The following MAPK9 variants were observed in gnomAD, a reference collection of about 807,000 sequenced individuals.
MAPK9 encodes the protein mitogen-activated protein kinase 9.
In MAPK9, 30 loss-of-function variants were observed where a neutral mutation model predicts 57.1. The observed-to-expected ratio is 0.53, with a 90% confidence interval of 0.39 to 0.71. The LOEUF is 0.71. MAPK9 is among the 30% of genes least tolerant of loss of function. The pLI is 0.00. For missense variants in MAPK9, 362 were observed against 521.0 expected (o/e 0.69, Z 2.97); for synonymous variants, 155 against 177.0 (o/e 0.88, Z 0.99).
intron 7 of MAPK9, among the ~76,000 whole-genome samples, chr5:180,244,105 T>C (rs1757880417): frequency 1.3e-5 from 2 of 152,146 alleles, no homozygotes; most frequent in African/African-American, 4.8e-5. Flanking sequence ...TGCCTCGGCC[T>C]CCCAAAGTGC....
chr5:180,268,623 C>G (rs1300240675), intron 3 of MAPK9, among the ~76,000 whole-genome samples: 1 of 151,898 alleles, frequency 6.6e-6, no homozygotes, highest in Admixed American at 6.6e-5. Context: ...GTCAGGAGAT[C>G]GAGACCATCC....
chr5:180,249,260 G>A, intron 5 of MAPK9, 122 bp from the exon 6 acceptor site: 1 of 926,360 alleles, frequency 1.1e-6, no homozygotes, highest in Non-Finnish European at 1.5e-6. Flanking sequence ...TCTGAGATTT[G>A]GGAACAACTT....
intron 5 of MAPK9, 128 bp downstream of exon 5, chr5:180,261,556 C>T (rs3095943): frequency 0.079 from 74,740 of 945,216 alleles, 3,338 homozygotes; most frequent in Admixed American, 0.11. Context: ...TCTTAAAACA[C>T]CATATGATTC....
At chr5:180,286,747 G>A (rs961765434) in intron 1 of MAPK9, among the ~76,000 whole-genome samples, 1 of 152,198 alleles carries the variant, frequency 6.6e-6, no homozygotes, top group Non-Finnish European at 1.5e-5. Flanking sequence ...GACAGCAGAA[G>A]CATTCTCCCA....
At position 180,283,773 on chromosome 5, in the gene MAPK9, T is replaced by C. The variant is rs1371916288; in HGVS notation, c.-47-3165A>G. On this transcript the variant is annotated intron_variant, in intron 1 of 11. Coordinates refer to ENST00000452135, the MANE Select transcript of MAPK9 (RefSeq NM_002752.5). ...CAACATGGTGAAGCCCCATCTCTAC[T>C]AAAAATACAAAAATTAGCCGGGTGT... Among the ~76,000 whole-genome samples the C allele has an allele frequency of 3.3e-5, 5 of 152,130 alleles. No homozygotes were observed. In the East Asian group the frequency reaches 5.8e-4, roughly 18 times the overall value.
intron 5 of MAPK9, chr5:180,258,096 T>C (rs1759486203): frequency 6.6e-6 from 1 of 152,270 alleles, no homozygotes; most frequent in South Asian, 2.1e-4. Context: ...AGTTTCTCTA[T>C]TTACTTCAAA....
chr5:180,284,011 A>C (rs2127627688), intron 1 of MAPK9, among the ~76,000 whole-genome samples: 1 of 152,342 alleles, frequency 6.6e-6, no homozygotes, highest in South Asian at 2.1e-4. Context: ...AAGTCACCTA[A>C]GTGAAAACCT....
At chr5:180,238,147 G>C (rs907909154) in intron 11 of MAPK9, 185 bp downstream of exon 11, 2 of 452,758 alleles carry the variant, frequency 4.4e-6, no homozygotes, top group Admixed American at 7.4e-5. Flanking sequence ...GCGCGTGCCT[G>C]TAGTCCCAGC....
intron 1 of MAPK9, among the ~76,000 whole-genome samples, chr5:180,289,229 T>C (rs575230851): frequency 3.0e-4 from 45 of 152,338 alleles, no homozygotes; most frequent in African/African-American, 1.0e-3. Context: ...AAGAATATTT[T>C]ATCTTAGACA....
intron 1 of MAPK9, among the ~76,000 whole-genome samples, chr5:180,280,920 C>G (rs367946568): frequency 6.6e-6 from 1 of 152,138 alleles, no homozygotes; most frequent in South Asian, 2.1e-4. Context: ...TCACTCTGTG[C>G]GTCTCATCAG....
chr5:180,239,866 G>C (rs1484940184), intron 10 of MAPK9, 58 bp downstream of exon 10: 2 of 1,519,482 alleles, frequency 1.3e-6, no homozygotes, highest in Admixed American at 3.3e-5. Flanking sequence ...AAAAGCCTCT[G>C]CTCTACAGGA....
intron 7 of MAPK9, among the ~76,000 whole-genome samples, chr5:180,244,046 G>A (rs1210641682): frequency 7.2e-5 from 11 of 151,990 alleles, no homozygotes; most frequent in Admixed American, 2.6e-4. Flanking sequence ...ATGGGGTTTC[G>A]CCATGTTGGC....
chr5:180,264,785 C>G lies in MAPK9; in HGVS notation c.307G>C (p.Asp103His), dbSNP rs1256714443. The G allele has an allele frequency of 6.4e-7, 1 of 1,567,986 alleles. No individual in the cohort carries two copies. The change falls in exon 4 of 12, where the codon GAT (aspartate) becomes CAT (histidine). Residue 103 changes from aspartate to histidine, a missense_variant. Around this residue, in one of 3 missense-constraint regions of MAPK9, gnomAD observed 127 missense variants for 231.7 expected, o/e 0.55. Transcript: ENST00000452135. ...CTGAATAAAAATGATACTTACACAT[C>G]TTGAAATTCTTCTAGAGTTTTTTGT... ...TPQKTLEEFQ[D>H]VYLVMELMDA...
rs1561780766 is a variant in MAPK9 at position 180,239,900 on chromosome 5, G to A, written c.1060+24C>T. ...GATTGGAAGAAATGTCAAAAGGAAG[G>A]ATCAAAATAAGCTCCATCTTTACCT... On this transcript the variant is annotated intron_variant, in intron 10 of 11. Transcript: ENST00000452135. 4 of 1,599,768 alleles carry A rather than the reference G, an allele frequency of 2.5e-6. No individual in the cohort carries two copies. The African/African-American group carries it at 4.0e-5, about 16-fold the overall frequency.
intron 2 of MAPK9, chr5:180,279,846 G>GACTA (rs1561844028): frequency 4.4e-6 from 2 of 456,482 alleles, no homozygotes; most frequent in Non-Finnish European, 8.8e-6. Flanking sequence ...CCATGCAAGA[G>GACTA]ACTAACGTTC....
Sources: gnomAD v4.1 joint callset for allele counts (sites outside exome capture counted in the v4.1 genomes callset) on GRCh38, gnomAD v4.1.1 for gene constraint, gnomAD v4.1.1 regional missense constraint, MANE v1.5 for transcripts, NCBI Gene and HGNC (gene_info 2026-07-23, HGNC 2026-07-21) for gene names.